RHOH: variants seen among roughly 807,000 people sequenced by gnomAD.
RHOH encodes ras homolog family member H, also known as rho-related GTP-binding protein RhoH.
RHOH carries 6 observed loss-of-function variants against 13.8 expected under a neutral mutation model. The observed-to-expected ratio is 0.44, with a 90% CI of 0.24 to 0.86. The LOEUF is 0.86. RHOH is among the 40% of genes least tolerant of loss of function. The pLI is 0.24. For synonymous variants in RHOH, 117 were observed against 103.0 expected (o/e 1.14, Z -0.82); for missense variants, 147 against 244.5 (o/e 0.60, Z 2.66).
At chr4:40,201,573 G>A (rs751577823) in intron 1 of RHOH, among the ~76,000 whole-genome samples, 5 of 152,086 alleles carry the variant, frequency 3.3e-5, no homozygotes, top group Non-Finnish European at 5.9e-5. Context: ...TGCATTCAGC[G>A]ATGTCATGAT....
upstream of RHOH, among the ~76,000 whole-genome samples, chr4:40,195,480 C>T (rs927825573): frequency 3.4e-5 from 5 of 148,458 alleles, no homozygotes; most frequent in Non-Finnish European, 7.4e-5. Context: ...TCTCTTTTTT[C>T]GAGACAGGGT....
intron 1 of RHOH, among the ~76,000 whole-genome samples, chr4:40,201,383 G>A (rs1579229546): frequency 6.6e-6 from 1 of 151,654 alleles, no homozygotes. Context: ...AAAAAAAGAT[G>A]TGCTGTTGCA....
chr4:40,194,396 T>C (rs575235247), upstream of RHOH, among the ~76,000 whole-genome samples: 1 of 152,162 alleles, frequency 6.6e-6, no homozygotes, highest in African/African-American at 2.4e-5. Context: ...GCCTGGCTAA[T>C]TTTTGTATTT....
chr4:40,222,539 A>G (rs1395822666), intron 1 of RHOH, among the ~76,000 whole-genome samples: 1 of 152,224 alleles, frequency 6.6e-6, no homozygotes, highest in African/African-American at 2.4e-5. Context: ...ATTTACAGCA[A>G]TGTCTACTGA....
intron 1 of RHOH, among the ~76,000 whole-genome samples, chr4:40,206,937 G>A (rs759425190): frequency 9.2e-5 from 14 of 152,120 alleles, no homozygotes; most frequent in Non-Finnish European, 1.3e-4. Flanking sequence ...GGCTGGGCGC[G>A]GTGGCTCATG....
intron 1 of RHOH, among the ~76,000 whole-genome samples, chr4:40,227,082 C>A (rs142239561): frequency 0.014 from 2,149 of 152,216 alleles, 53 homozygotes; most frequent in African/African-American, 0.049. Flanking sequence ...TCACTTGAAC[C>A]TGAGAGGTGG....
At chr4:40,209,299 T>C (rs1276532238) in intron 1 of RHOH, among the ~76,000 whole-genome samples, 1 of 152,140 alleles carries the variant, frequency 6.6e-6, no homozygotes, top group African/African-American at 2.4e-5. Flanking sequence ...ATCAGTTAAG[T>C]TTGTGAGTGG....
chr4:40,197,534 G>C (rs977828760), intron 1 of RHOH, among the ~76,000 whole-genome samples: 6 of 152,238 alleles, frequency 3.9e-5, no homozygotes, highest in South Asian at 2.1e-4. Flanking sequence ...ACAATAGTTG[G>C]CTTTTTGGTT....
At chr4:40,195,359 T>C (rs1460450423), upstream of RHOH, among the ~76,000 whole-genome samples, 8 of 34,894 alleles carry the variant, frequency 2.3e-4, no homozygotes, top group Non-Finnish European at 2.6e-4. Flanking sequence ...TTTCTTTTCC[T>C]TCCTTCCTTC....
At chr4:40,241,798 G>A (rs1353391004) in intron 1 of RHOH, among the ~76,000 whole-genome samples, 1 of 152,200 alleles carries the variant, frequency 6.6e-6, no homozygotes, top group Non-Finnish European at 1.5e-5. Context: ...GCTGAGGTGG[G>A]AGGATCTCTT....
intron 1 of RHOH, among the ~76,000 whole-genome samples, chr4:40,238,729 C>G (rs183131895): frequency 6.6e-6 from 1 of 152,300 alleles, no homozygotes. Context: ...GAAGAACGGC[C>G]TGGAGGGCCA....
At position 40,201,572 on chromosome 4, in the gene RHOH, C is replaced by T. The variant is rs117563432; in HGVS notation, c.-331+4272C>T. The stretch of plus-strand genomic sequence containing the variant: ...CATCTGTTTTCAATTTTGCATTCAG[C>T]GATGTCATGATGGTGGCTTGAAATT... On this transcript the variant is annotated intron_variant, in intron 1 of 2. Coordinates refer to ENST00000381799, the MANE Select transcript of RHOH (RefSeq NM_004310.5). 1.4e-4 allele frequency among the ~76,000 whole-genome samples: 21 copies of T among 152,106 alleles called. No individual in the cohort carries two copies. The East Asian group carries it at 1.5e-3, about 11-fold the overall frequency.
In RHOH at chr4:40,197,305, G is replaced by A. The variant is rs1359180211; in HGVS notation, c.-331+5G>A. ...TTCTTCGGCATTCTGCAACAGGTAAGGATTTTGCTTCCTTAAAAGTATTTC... is the reference window on the plus strand; with the variant it reads ...TTCTTCGGCATTCTGCAACAGGTAAAGATTTTGCTTCCTTAAAAGTATTTC... On this transcript the variant is annotated splice_donor_5th_base_variant and intron_variant, in intron 1 of 2. Transcript: ENST00000381799. The A allele has an allele frequency of 6.6e-6, 1 of 152,124 alleles. No individual in the cohort carries two copies. The highest frequency in any genetic ancestry group is 6.5e-5 in the Admixed American group (1 of 15,282). 9.4% of individuals were successfully genotyped at this position (152,124 alleles called of 1,614,324 possible).
intron 1 of RHOH, among the ~76,000 whole-genome samples, chr4:40,238,574 G>A (rs1004990656): frequency 4.6e-5 from 7 of 152,140 alleles, no homozygotes; most frequent in Admixed American, 2.0e-4. Flanking sequence ...CTCTGTCTCT[G>A]TGCGTGTGAA....
At chr4:40,197,439 GA>G (rs1489268197) in intron 1 of RHOH, 139 bp downstream of exon 1, 1 of 151,940 alleles carries the variant, frequency 6.6e-6, no homozygotes, top group Non-Finnish European at 1.5e-5. Context: ...TTTACAGGGG[GA>G]CGGGGGTCGG....
Position 40,202,385 on chromosome 4 carries a change from C to T in RHOH, c.-331+5085C>T, listed in dbSNP as rs118133075. Among the ~76,000 whole-genome samples the T allele has an allele frequency of 1.1e-4, 17 of 151,866 alleles. No individual in the cohort carries two copies. The East Asian group carries it at 2.7e-3, about 24-fold the overall frequency. On this transcript the variant is annotated intron_variant, in intron 1 of 2. Transcript: ENST00000381799. ...TTGTGAATAAGAATTAAATGTGAGC[C>T]GTAAAAAAATGAATGACAGCATTTG... is the stretch of plus-strand genomic sequence containing the variant.
At chr4:40,197,978 A>G (rs75883333) in intron 1 of RHOH, among the ~76,000 whole-genome samples, 1,592 of 152,330 alleles carry the variant, frequency 0.01, 25 homozygotes, top group African/African-American at 0.036. Flanking sequence ...CAAGCAGGCA[A>G]CAAGTAGTTG....
At chr4:40,194,112 G>A (rs1466832056), upstream of RHOH, among the ~76,000 whole-genome samples, 3 of 152,190 alleles carry the variant, frequency 2.0e-5, no homozygotes, top group Non-Finnish European at 4.4e-5. Context: ...TCTCCTGTTG[G>A]AGGGGCAACC....
At chr4:40,219,572 G>A (rs1364118069) in intron 1 of RHOH, among the ~76,000 whole-genome samples, 1 of 152,014 alleles carries the variant, frequency 6.6e-6, no homozygotes, top group Non-Finnish European at 1.5e-5. Flanking sequence ...TAGGAGGGAG[G>A]TATATTTTTC....
Sources: allele counts gnomAD v4.1 joint callset (sites outside exome capture counted in the v4.1 genomes callset), GRCh38; gene constraint gnomAD v4.1.1; transcripts MANE v1.5; gene names NCBI Gene and HGNC (gene_info 2026-07-23, HGNC 2026-07-21).